Variants in COL11A1 observed in about 807,000 individuals in gnomAD.
COL11A1 encodes the protein collagen type XI alpha 1 chain.
A neutral mutation model predicts 265.2 loss-of-function variants in COL11A1; 74 were observed. The observed-to-expected ratio is 0.28, with a 90% CI of 0.23 to 0.34. The LOEUF is 0.34. COL11A1 is among the 10% of genes least tolerant of loss of function. The probability of loss-of-function intolerance (pLI) is 1.00; values close to 1 mark genes in which losing one functional copy is unlikely to be tolerated. For synonymous variants in COL11A1, 816 were observed against 727.6 expected (o/e 1.12, Z -1.96); for missense variants, 2,165 against 2,263.6 (o/e 0.96, Z 0.88).
intron 64 of COL11A1, among the ~76,000 whole-genome samples, 191 bp downstream of exon 64, chr1:102,883,008 A>G (rs2101024805): frequency 6.6e-6 from 1 of 152,298 alleles, no homozygotes; most frequent in Admixed American, 6.5e-5. Flanking sequence ...AAAAATAAAG[A>G]AGAGAAGTAT....
intron 54 of COL11A1, among the ~76,000 whole-genome samples, chr1:102,900,229 C>T (rs1932350): frequency 0.5 from 76,296 of 151,726 alleles, 22,976 homozygotes; most frequent in East Asian, 0.7. Flanking sequence ...TGTATAAATT[C>T]TATGGGTAAT....
At chr1:102,952,407 T>C (rs368413074) in intron 41 of COL11A1, among the ~76,000 whole-genome samples, 2 of 152,348 alleles carry the variant, frequency 1.3e-5, no homozygotes, top group Admixed American at 6.5e-5. Context: ...AGATACTGTA[T>C]ACTATTTTTT....
intron 57 of COL11A1, among the ~76,000 whole-genome samples, chr1:102,892,438 G>A (rs1570646580): frequency 2.0e-5 from 3 of 152,224 alleles, no homozygotes; most frequent in Admixed American, 2.0e-4. Context: ...GATCCAAGCA[G>A]TATGATGTAC....
chr1:103,034,203 T>G (rs969808322), intron 4 of COL11A1, among the ~76,000 whole-genome samples: 1 of 152,148 alleles, frequency 6.6e-6, no homozygotes, highest in Non-Finnish European at 1.5e-5. Context: ...TTTATCAGAT[T>G]AAGTTGTTGA....
chr1:103,022,913 T>G lies in COL11A1; in HGVS notation c.1074A>C (p.Thr358=). 6.2e-7 allele frequency: 1 copy of G among 1,613,816 alleles called. No homozygotes were observed. The highest frequency in any genetic ancestry group is 8.5e-7 in the Non-Finnish European group (1 of 1,179,894). ...YDSQRKNSED[T]LYENKEIDGR... The stretch of plus-strand genomic sequence containing the variant: ...CGTCTATTTCTTTGTTTTCATATAG[T>G]GTATCCTCAGAATTTTTCCTCTGGG... Residue 358 remains threonine, a synonymous_variant, in exon 8 of 67, where the codon ACA becomes ACC. Transcript: ENST00000370096.
rs1252749477 is a variant in COL11A1, at chr1:102,888,768, G to T, written c.4519-10C>A. On this transcript the variant is annotated splice_polypyrimidine_tract_variant and intron_variant, in intron 60 of 66. Transcript: ENST00000370096. ...TTGGGCCTTGAGGACCCTACAAAAT[G>T]CAAATGCAAAAGCACAGATAAAAAT... 1.9e-6 allele frequency: 3 copies of T among 1,613,842 alleles called. No homozygotes were observed. The highest frequency in any genetic ancestry group is 3.3e-5 in the Admixed American group (2 of 59,958).
chr1:102,877,791 A>C lies in COL11A1; in HGVS notation c.*228T>G, dbSNP rs1649673262. ...GGAGAGTTGAGAATTGGGAATCAAG[A>C]ATCAGCCCTGTTTCCATCTTAGCCA... is the stretch of plus-strand genomic sequence containing the variant. On this transcript the variant is annotated 3_prime_UTR_variant, in exon 67 of 67. Coordinates refer to ENST00000370096, the MANE Select transcript of COL11A1 (RefSeq NM_001854.4). 2.2e-6 allele frequency: 1 copy of C among 452,950 alleles called. No individual in the cohort carries two copies. The highest frequency in any genetic ancestry group is 4.0e-6 in the Non-Finnish European group (1 of 251,574). 28.1% of individuals were successfully genotyped at this position (452,950 alleles called of 1,614,324 possible).
intron 4 of COL11A1, among the ~76,000 whole-genome samples, chr1:103,045,699 T>C (rs1031331631): frequency 2.0e-5 from 3 of 152,080 alleles, no homozygotes; most frequent in African/African-American, 7.2e-5. Flanking sequence ...ACGTGTGCCA[T>C]ATTGGTGTGC....
chr1:103,107,268 C>G (rs1362909966), intron 1 of COL11A1, among the ~76,000 whole-genome samples: 1 of 146,368 alleles, frequency 6.8e-6, no homozygotes, highest in East Asian at 2.2e-4. Flanking sequence ...TCCCACCCTA[C>G]CCACACCCCC....
intron 23 of COL11A1, among the ~76,000 whole-genome samples, 187 bp downstream of exon 23, chr1:103,002,241 T>C (rs182420630): frequency 1.3e-5 from 2 of 152,234 alleles, no homozygotes; most frequent in East Asian, 1.9e-4. Context: ...CATTTTTCCC[T>C]GGGAAGAGAG....
rs183343822 is a variant in COL11A1 at position 102,887,646 on chromosome 1, T to C, written c.4609-590A>G. Among the ~76,000 whole-genome samples, 126 of 152,306 alleles carry C rather than the reference T, an allele frequency of 8.3e-4. 1 individual carries two copies. Among genetic ancestry groups the C allele is most frequent in the Middle Eastern group, 6.8e-3 (2 of 294 alleles). On this transcript the variant is annotated intron_variant, in intron 62 of 66. Transcript: ENST00000370096. ...AGTTATCATATTGTCATGGGTTGAATTGTATCCCACAAAAATTTGTAATGT... is the reference window on the plus strand; with the variant it reads ...AGTTATCATATTGTCATGGGTTGAACTGTATCCCACAAAAATTTGTAATGT...
chr1:103,092,304 C>T (rs1416386687), intron 1 of COL11A1, among the ~76,000 whole-genome samples: 2 of 151,864 alleles, frequency 1.3e-5, no homozygotes, highest in Non-Finnish European at 2.9e-5. Context: ...AGAAACCTTC[C>T]AGAAGAACAA....
chr1:103,082,315 C>T (rs1414865186), intron 2 of COL11A1, among the ~76,000 whole-genome samples: 1 of 151,930 alleles, frequency 6.6e-6, no homozygotes, highest in African/African-American at 2.4e-5. Context: ...GAAAAAGTAT[C>T]TCTTTCAACA....
At chr1:102,920,478 T>C (rs142497753) in intron 48 of COL11A1, 114 bp from the exon 49 acceptor site, 1 of 880,384 alleles carries the variant, frequency 1.1e-6, no homozygotes, top group East Asian at 2.5e-5. Context: ...GTATTCTTAG[T>C]CATTTAAAGA....
intron 24 of COL11A1, chr1:103,001,594 A>G: frequency 4.3e-6 from 2 of 462,954 alleles, no homozygotes; most frequent in Admixed American, 3.8e-5. Context: ...AGCAAACTTA[A>G]TTACTTTTTT....
chr1:103,089,916 G>A (rs1199254690), intron 1 of COL11A1, among the ~76,000 whole-genome samples: 3 of 152,128 alleles, frequency 2.0e-5, no homozygotes, highest in Admixed American at 2.0e-4. Context: ...ACGAGGTCAG[G>A]AGTTCAAGTC....
At chr1:103,011,468 T>C (rs1384989530) in intron 14 of COL11A1, among the ~76,000 whole-genome samples, 1 of 151,946 alleles carries the variant, frequency 6.6e-6, no homozygotes, top group Non-Finnish European at 1.5e-5. Flanking sequence ...ATATAAAATT[T>C]TATGACTAAA....
intron 37 of COL11A1, among the ~76,000 whole-genome samples, chr1:102,968,240 G>T (rs989504622): frequency 6.6e-6 from 1 of 152,146 alleles, no homozygotes; most frequent in Non-Finnish European, 1.5e-5. Flanking sequence ...AAATTAATTG[G>T]ACATATTCAT....
At chr1:102,965,968 A>ATC (rs1442470444) in intron 37 of COL11A1, among the ~76,000 whole-genome samples, 1 of 152,180 alleles carries the variant, frequency 6.6e-6, no homozygotes, top group Non-Finnish European at 1.5e-5. Flanking sequence ...TATTCCAAAA[A>ATC]TCTCATAAAA....
Sources: allele counts gnomAD v4.1 joint callset (sites outside exome capture counted in the v4.1 genomes callset), GRCh38; gene constraint gnomAD v4.1.1; transcripts MANE v1.5; gene names NCBI Gene and HGNC (gene_info 2026-07-23, HGNC 2026-07-21).